DTX1: variants seen among roughly 807,000 people sequenced by gnomAD.
The protein encoded by DTX1 is deltex E3 ubiquitin ligase 1.
A neutral mutation model predicts 57.8 loss-of-function variants in DTX1; 26 were observed. That is an observed-to-expected ratio of 0.45 (90% CI 0.33 to 0.62). The LOEUF is 0.62. Ranked by LOEUF, DTX1 falls within the 20% of genes least tolerant of loss-of-function variation. The pLI, the probability that DTX1 is intolerant of heterozygous loss-of-function variation, is 0.02. For synonymous variants in DTX1, 398 were observed against 394.1 expected, an observed-to-expected ratio of 1.01 and a Z score of -0.12; for missense variants, 704 against 895.3, an observed-to-expected ratio of 0.79 and a Z score of 2.73.
chr12:113,078,156 A>G, intron 3 of DTX1, 51 bp downstream of exon 3: 1 of 1,288,164 alleles, frequency 7.8e-7, no homozygotes, highest in African/African-American at 1.6e-5. Flanking sequence ...GCAGGCAAGG[A>G]CGAAGCCCGG....
intron 2 of DTX1, among the ~76,000 whole-genome samples, chr12:113,062,552 T>G (rs187270662): frequency 5.8e-4 from 88 of 152,352 alleles, no homozygotes; most frequent in Non-Finnish European, 9.3e-4. Context: ...CACTGACCCC[T>G]GCCCCACATG....
intron 6 of DTX1, among the ~76,000 whole-genome samples, chr12:113,094,512 A>T (rs896612985): frequency 2.0e-5 from 3 of 152,052 alleles, no homozygotes; most frequent in African/African-American, 7.3e-5. Context: ...CAGGAGTTTG[A>T]CTCTGCAGTG....
At chr12:113,086,427 AAGGCGCC>A (rs1437389035) in intron 3 of DTX1, among the ~76,000 whole-genome samples, 1 of 152,054 alleles carries the variant, frequency 6.6e-6, no homozygotes, top group Non-Finnish European at 1.5e-5. Flanking sequence ...AAGAGAGGAA[AAGGCGCC>A]AGGTCACACA....
At chr12:113,072,688 G>A (rs1159142946) in intron 2 of DTX1, among the ~76,000 whole-genome samples, 2 of 144,982 alleles carry the variant, frequency 1.4e-5, no homozygotes, top group African/African-American at 5.2e-5. Context: ...CAAGACCTGA[G>A]AGATTTTCTT....
At chr12:113,094,127 A>AGGGGGGGGGGGGGGGG in intron 6 of DTX1, 28 bp downstream of exon 6, 1 of 947,928 alleles carries the variant, frequency 1.1e-6, no homozygotes, top group Admixed American at 2.1e-5. Flanking sequence ...GGGCTGGGGG[A>AGGGGGGGGGGGGGGGG]GGGCCCTGGC....
At chr12:113,095,591 GAGCC>G in intron 9 of DTX1, 177 bp downstream of exon 9, 1 of 767,012 alleles carries the variant, frequency 1.3e-6, no homozygotes, top group Non-Finnish European at 2.1e-6. Flanking sequence ...CTCGTTTCCT[GAGCC>G]ACTGAGGTCA....
chr12:113,080,255 C>T (rs1221000703), intron 3 of DTX1, among the ~76,000 whole-genome samples: 3 of 152,156 alleles, frequency 2.0e-5, no homozygotes, highest in African/African-American at 4.8e-5. Context: ...GAAGCCTTGT[C>T]CAAAGCTGCA....
chr12:113,069,495 C>T (rs543003923), intron 2 of DTX1, among the ~76,000 whole-genome samples: 2 of 152,306 alleles, frequency 1.3e-5, no homozygotes, highest in African/African-American at 4.8e-5. Context: ...CCCTGGAGAA[C>T]CTGGGCCAGC....
At chr12:113,062,712 G>T (rs2044674139) in intron 2 of DTX1, among the ~76,000 whole-genome samples, 4 of 152,356 alleles carry the variant, frequency 2.6e-5, no homozygotes, top group African/African-American at 9.6e-5. Context: ...ACACACACAT[G>T]CCCTGTGTAT....
chr12:113,075,370 G>A (rs1302025908), intron 2 of DTX1, among the ~76,000 whole-genome samples: 1 of 152,228 alleles, frequency 6.6e-6, no homozygotes. Flanking sequence ...GCTGGGTCAT[G>A]GATGATCACC....
At chr12:113,096,077 C>T (rs948271790) in intron 9 of DTX1, among the ~76,000 whole-genome samples, 11 of 151,918 alleles carry the variant, frequency 7.2e-5, no homozygotes, top group African/African-American at 1.2e-4. Context: ...TGGTGGAGTG[C>T]GCCTGTAGTC....
At position 113,058,432 on chromosome 12, in the gene DTX1, C is replaced by G; in HGVS notation, c.240C>G (p.His80Gln). Residue 80 changes from histidine (H) to glutamine (Q), a missense_variant, in exon 2 of 10, where the codon CAC becomes CAG. By Grantham distance (24) the His-to-Gln change is conservative (BLOSUM62 0). Transcript: ENST00000548759. ...VPYIIDLQSMHQFRQDTGTMR... is the reference protein window; with the variant it reads ...VPYIIDLQSMQQFRQDTGTMR... ...ACATCATCGACCTGCAGTCCATGCACCAGTTTCGCCAGGACACAGGTGAGC... is the reference window on the plus strand; with the variant it reads ...ACATCATCGACCTGCAGTCCATGCAGCAGTTTCGCCAGGACACAGGTGAGC... The G allele has an allele frequency of 3.7e-6, 6 of 1,602,624 alleles. No homozygotes were observed. The highest frequency in any genetic ancestry group is 5.1e-6 in the Non-Finnish European group (6 of 1,179,156).
In DTX1 at chr12:113,093,608, T is replaced by A. The variant is rs767432693; in HGVS notation, c.1073T>A (p.Leu358Gln). The change falls in exon 5 of 10, where the codon CTG becomes CAG. Residue 358 changes from leucine (L) to glutamine (Q), a missense_variant. By Grantham distance (113) the Leu-to-Gln change is moderately radical. This residue lies in a region of DTX1 where 299 missense variants were observed against 311.2 expected (regional missense o/e 0.96). Coordinates refer to ENST00000548759, the MANE Select transcript of DTX1 (RefSeq NM_004416.3). This position sits in a 1 kb window ranked among gnomAD's most constrained non-coding sequence, Gnocchi z 4.2. ...CTGACGCGGGCCCCCAAGCCCATCC[T>A]GCACCCGCCGCCCGTGAGCAAGAGC... ...VCLTRAPKPILHPPPVSKSDV... is the reference protein window; with the variant it reads ...VCLTRAPKPIQHPPPVSKSDV... 3 of 1,612,790 alleles carry A rather than the reference T, an allele frequency of 1.9e-6. No homozygotes were observed. The highest frequency in any genetic ancestry group is 1.1e-5 in the South Asian group (1 of 91,020).
At position 113,093,705 on chromosome 12, in the gene DTX1, G is replaced by T. The variant is rs201609570; in HGVS notation, c.1165+5G>T. The T allele has an allele frequency of 6.2e-7, 1 of 1,612,434 alleles. No homozygotes were observed. Among genetic ancestry groups the T allele is most frequent in the South Asian group, 1.1e-5 (1 of 90,918 alleles). On this transcript the variant is annotated splice_donor_5th_base_variant and intron_variant, in intron 5 of 9. Transcript: ENST00000548759. This position sits in a 1 kb window ranked among gnomAD's most constrained non-coding sequence, Gnocchi z 4.2. ...AGAAGAAGCACCTTAAAAAGAGTAC[G>T]CCCTCCACGCCCTGCCTCACACGAG... is the stretch of plus-strand genomic sequence containing the variant.
intron 3 of DTX1, among the ~76,000 whole-genome samples, chr12:113,088,281 G>T (rs1354051919): frequency 6.6e-6 from 1 of 152,252 alleles, no homozygotes; most frequent in Non-Finnish European, 1.5e-5. Flanking sequence ...ACTTCCTGGA[G>T]CACTGTGTTG....
intron 2 of DTX1, among the ~76,000 whole-genome samples, chr12:113,059,526 G>C (rs2136421588): frequency 6.6e-6 from 1 of 152,224 alleles, no homozygotes; most frequent in South Asian, 2.1e-4. Flanking sequence ...ACTCTCTTTT[G>C]TTCTGGAGAT....
chr12:113,076,754 T>C (rs552750123), intron 2 of DTX1, among the ~76,000 whole-genome samples: 1 of 152,224 alleles, frequency 6.6e-6, no homozygotes, highest in East Asian at 1.9e-4. Context: ...AATGCAAGAA[T>C]TGTTGAATGA....
intron 3 of DTX1, among the ~76,000 whole-genome samples, chr12:113,084,448 C>A (rs1328453507): frequency 6.6e-6 from 1 of 152,084 alleles, no homozygotes; most frequent in Non-Finnish European, 1.5e-5. Flanking sequence ...TGCAGTGGCA[C>A]AATTATAGCT....
Position 113,094,688 on chromosome 12 carries a change from G to A in DTX1, c.1228-101G>A, listed in dbSNP as rs1950273017. 3 of 1,444,876 alleles carry A rather than the reference G, an allele frequency of 2.1e-6. No homozygotes were observed. The South Asian group carries it at 4.0e-5, about 19-fold the overall frequency. The allele number at this position is 1,444,876 out of a possible 1,614,324, so 89.5% of individuals were successfully genotyped here. On this transcript the variant is annotated intron_variant, in intron 6 of 9. Coordinates refer to ENST00000548759, the MANE Select transcript of DTX1 (RefSeq NM_004416.3). ...CCCTTTGCCAAATGGGTACCAGAGA[G>A]AGTGTGGTCTGCTGCCTATGGTGAC...
Sources: gnomAD v4.1 joint callset for allele counts (sites outside exome capture counted in the v4.1 genomes callset) on GRCh38, gnomAD v4.1.1 for gene constraint, gnomAD v4.1.1 regional missense constraint, Gnocchi (gnomAD v3.1) non-coding constraint, MANE v1.5 for transcripts, NCBI Gene and HGNC (gene_info 2026-07-23, HGNC 2026-07-21) for gene names.